The following STXBP5 variants were observed in gnomAD, a reference collection of about 807,000 sequenced individuals.
STXBP5 encodes syntaxin binding protein 5.
In STXBP5, 50 loss-of-function variants were observed where a neutral mutation model predicts 152.4. The ratio of observed to expected loss-of-function variants is 0.33; its 90% CI spans 0.26 to 0.42. The LOEUF (loss-of-function observed/expected upper bound fraction) is 0.42. STXBP5 is among the 10% of genes least tolerant of loss of function. The probability of loss-of-function intolerance (pLI) is 1.00; values close to 1 mark genes in which losing one functional copy is unlikely to be tolerated. For synonymous variants in STXBP5, 492 were observed against 494.7 expected (o/e 0.99, Z 0.07); for missense variants, 1,167 against 1,388.6 (o/e 0.84, Z 2.54).
intron 9 of STXBP5, among the ~76,000 whole-genome samples, chr6:147,305,636 T>C (rs1471182003): frequency 6.6e-6 from 1 of 152,182 alleles, no homozygotes; most frequent in Non-Finnish European, 1.5e-5. Flanking sequence ...TCTATTAGAC[T>C]TTTCAAATTA....
At chr6:147,370,916 G>C (rs1038359159) in intron 25 of STXBP5, among the ~76,000 whole-genome samples, 1 of 151,880 alleles carries the variant, frequency 6.6e-6, no homozygotes, top group African/African-American at 2.4e-5. Flanking sequence ...CACTGTAAAG[G>C]ACTTTGTAGT....
chr6:147,295,152 T>C (rs1214524495), intron 9 of STXBP5, among the ~76,000 whole-genome samples: 2 of 152,218 alleles, frequency 1.3e-5, no homozygotes, highest in Non-Finnish European at 2.9e-5. Context: ...ATAACTCTAG[T>C]TTCTTTTCAT....
At chr6:147,291,475 T>C (rs78796227) in intron 9 of STXBP5, among the ~76,000 whole-genome samples, 5,389 of 152,256 alleles carry the variant, frequency 0.035, 145 homozygotes, top group Admixed American at 0.054. Context: ...CTAGTGATCA[T>C]TGTGGAATAA....
chr6:147,334,590 G>A (rs1783737782), intron 19 of STXBP5, among the ~76,000 whole-genome samples: 1 of 152,020 alleles, frequency 6.6e-6, no homozygotes. Flanking sequence ...CTAATCATGA[G>A]TGTAGACAAT....
At position 147,262,318 on chromosome 6, in the gene STXBP5, G is replaced by T. The variant is rs754792682; in HGVS notation, c.595G>T (p.Val199Phe). The T allele has an allele frequency of 6.4e-7, 1 of 1,553,806 alleles. No individual in the cohort carries two copies. Among genetic ancestry groups the T allele is most frequent in the Non-Finnish European group, 8.7e-7 (1 of 1,155,988 alleles). The change falls in exon 6 of 28, where the codon GTC (valine) becomes TTC (phenylalanine). Residue 199 changes from valine to phenylalanine, a missense_variant. Val to Phe is a conservative substitution (Grantham distance 50, BLOSUM62 -1). Transcript: ENST00000321680. The part of the protein sequence containing the change: ...LSSKSHPGPV[V>F]HISDNPMDEG... ...ATCTAAATCTCACCCAGGACCTGTG[G>T]TCCATATAAGTGATAATCCAATGGA...
chr6:147,204,681 A>G lies in STXBP5; in HGVS notation c.149A>G (p.Lys50Arg). The change falls in exon 1 of 28, where the codon AAG becomes AGG. Residue 50 changes from lysine (K) to arginine (R), a missense_variant and splice_region_variant. Physicochemically the swap from Lys to Arg is conservative, Grantham distance 26. Transcript: ENST00000321680. This position sits in a 1 kb window ranked among gnomAD's most constrained non-coding sequence, Gnocchi z 4.3. ...CAGTCCGAGCACTTTCAGCTCTGCA[A>G]GGTGAACGGAGCGCGCAGCCCCGCG... Reference protein sequence around the residue: ...TLQSEHFQLCKTVRHGFPYQP... With the variant: ...TLQSEHFQLCRTVRHGFPYQP... 6.3e-7 allele frequency: 1 copy of G among 1,578,688 alleles called. No individual in the cohort carries two copies. The highest frequency in any genetic ancestry group is 8.6e-7 in the Non-Finnish European group (1 of 1,161,888).
In STXBP5 at chr6:147,279,371, A is replaced by G. The variant is rs138368231; in HGVS notation, c.838+1167A>G. Among the ~76,000 whole-genome samples the G allele has an allele frequency of 2.3e-3, 353 of 152,330 alleles. 1 individual carries two copies. The highest frequency in any genetic ancestry group is 8.1e-3 in the African/African-American group (336 of 41,564). On this transcript the variant is annotated intron_variant, in intron 8 of 27. Transcript: ENST00000321680. ...AGGAACTGTTCTATAAATTGATAGT[A>G]TATTCAAGATTGTCCTTGTAGCTAT... is the stretch of plus-strand genomic sequence containing the variant.
intron 4 of STXBP5, among the ~76,000 whole-genome samples, chr6:147,246,425 C>T (rs1778812218): frequency 6.6e-6 from 1 of 152,018 alleles, no homozygotes; most frequent in African/African-American, 2.4e-5. Context: ...AATATTTTTA[C>T]CTCTTGATTT....
chr6:147,245,264 A>G (rs1778756099), intron 4 of STXBP5, among the ~76,000 whole-genome samples: 1 of 152,134 alleles, frequency 6.6e-6, no homozygotes, highest in Non-Finnish European at 1.5e-5. Flanking sequence ...ATTCAGCTGT[A>G]AAACAAAAGT....
At chr6:147,264,782 TTTA>T (rs1266907315) in intron 6 of STXBP5, among the ~76,000 whole-genome samples, 2 of 152,108 alleles carry the variant, frequency 1.3e-5, no homozygotes, top group African/African-American at 2.4e-5. Context: ...TTTTTAAATA[TTTA>T]TTATTCTCTT....
Position 147,244,695 on chromosome 6 carries a change from TTG to T in STXBP5, c.431+5427_431+5428del, listed in dbSNP as rs762213119. ...TTTTGAAATTACATGAAATGACAGTTTGTAATTAATTTGAAGCATTTGTAGTG... is the reference window on the plus strand; with the variant it reads ...TTTTGAAATTACATGAAATGACAGTTTAATTAATTTGAAGCATTTGTAGTG... On this transcript the variant is annotated intron_variant, in intron 4 of 27. Coordinates refer to ENST00000321680, the MANE Select transcript of STXBP5 (RefSeq NM_001127715.4). Among the ~76,000 whole-genome samples the T allele has an allele frequency of 7.2e-5, 11 of 152,288 alleles. No individual in the cohort carries two copies. In the East Asian group the frequency reaches 2.1e-3, roughly 29 times the overall value.
intron 8 of STXBP5, among the ~76,000 whole-genome samples, chr6:147,287,681 G>A (rs986525084): frequency 6.6e-6 from 1 of 152,036 alleles, no homozygotes; most frequent in Non-Finnish European, 1.5e-5. Context: ...CAAATTAATG[G>A]GCATTCCCTT....
At position 147,249,736 on chromosome 6, in the gene STXBP5, G is replaced by A. The variant is rs181206000; in HGVS notation, c.431+10466G>A. On this transcript the variant is annotated intron_variant, in intron 4 of 27. Transcript: ENST00000321680. ...GAGAGAGATTGTTTCTAAAAGTGTG[G>A]CACAGAGAAAAATGTGAGAGTGCAG... Among the ~76,000 whole-genome samples, 3 of 152,160 alleles carry A rather than the reference G, an allele frequency of 2.0e-5. No individual in the cohort carries two copies. In the East Asian group the frequency reaches 5.8e-4, roughly 29 times the overall value.
At chr6:147,223,997 A>G (rs1777585672) in intron 2 of STXBP5, among the ~76,000 whole-genome samples, 2 of 152,234 alleles carry the variant, frequency 1.3e-5, no homozygotes, top group African/African-American at 4.8e-5. Context: ...GTTACGTGAA[A>G]TATTTGGAAA....
intron 21 of STXBP5, chr6:147,352,044 C>T (rs932422266): frequency 5.8e-5 from 11 of 191,256 alleles, no homozygotes; most frequent in African/African-American, 1.7e-4. Flanking sequence ...AGTTGAACAA[C>T]GCCTAACTTT....
chr6:147,343,926 A>G (rs1283782437), intron 21 of STXBP5, among the ~76,000 whole-genome samples: 2 of 152,122 alleles, frequency 1.3e-5, no homozygotes, highest in African/African-American at 4.8e-5. Context: ...GCTCAGTTTG[A>G]AAGGGATGAT....
At chr6:147,323,635 GCC>G (rs1159666470) in intron 16 of STXBP5, among the ~76,000 whole-genome samples, 4 of 152,058 alleles carry the variant, frequency 2.6e-5, no homozygotes, top group Non-Finnish European at 5.9e-5. Context: ...TAAGTGATCT[GCC>G]CACCTCGGCC....
chr6:147,382,150 G>A (rs1174834147), intron 26 of STXBP5, among the ~76,000 whole-genome samples: 3 of 152,126 alleles, frequency 2.0e-5, no homozygotes, highest in African/African-American at 4.8e-5. Flanking sequence ...TAGGTAAAAA[G>A]CATCTGGATA....
chr6:147,334,317 A>G, intron 19 of STXBP5, 95 bp downstream of exon 19: 1 of 1,111,822 alleles, frequency 9.0e-7, no homozygotes. Context: ...CATTTAAAAT[A>G]CATCTACGAA....
Sources: allele counts gnomAD v4.1 joint callset (sites outside exome capture counted in the v4.1 genomes callset), GRCh38; gene constraint gnomAD v4.1.1; non-coding constraint Gnocchi (gnomAD v3.1); transcripts MANE v1.5; gene names NCBI Gene and HGNC (gene_info 2026-07-23, HGNC 2026-07-21).